Variants in CNTN5 observed in about 807,000 individuals in gnomAD.
CNTN5 encodes contactin-5.
CNTN5 carries 77 observed loss-of-function variants against 129.1 expected under a neutral mutation model. The ratio of observed to expected loss-of-function variants is 0.60; its 90% confidence interval spans 0.50 to 0.72. The LOEUF is 0.72. Among genes scored for constraint, CNTN5 ranks in the 30% least tolerant of loss-of-function variants. The pLI is 0.00. For missense variants in CNTN5, 1,478 were observed against 1,328.8 expected, an observed-to-expected ratio of 1.11 and a Z score of -1.75; for synonymous variants, 509 against 465.6, an observed-to-expected ratio of 1.09 and a Z score of -1.20.
chr11:100,202,908 A>T lies in CNTN5; in HGVS notation c.1884+9245A>T, dbSNP rs563708824. Among the ~76,000 whole-genome samples, 13 of 152,102 alleles carry T rather than the reference A, an allele frequency of 8.5e-5. No homozygotes were observed. The East Asian group carries it at 2.5e-3, about 29-fold the overall frequency. ...TGAACTTAAAACTTCATTGCCATGA[A>T]CGATGTTCCAAATCTGATTTGCTGT... On this transcript the variant is annotated intron_variant, in intron 15 of 24. Transcript: ENST00000524871.
chr11:99,427,916 T>G (rs1033975720), intron 2 of CNTN5, among the ~76,000 whole-genome samples: 7 of 152,036 alleles, frequency 4.6e-5, no homozygotes, highest in African/African-American at 1.7e-4. Flanking sequence ...GAAAGACTAT[T>G]ATTAATAATT....
intron 3 of CNTN5, among the ~76,000 whole-genome samples, chr11:99,739,721 A>ATTACAT (rs1943830029): frequency 6.6e-6 from 1 of 152,170 alleles, no homozygotes; most frequent in South Asian, 2.1e-4. Flanking sequence ...TACCAAGTCA[A>ATTACAT]TTACATGACT....
intron 13 of CNTN5, among the ~76,000 whole-genome samples, chr11:100,112,516 A>G (rs1378298869): frequency 2.0e-5 from 3 of 152,130 alleles, no homozygotes; most frequent in Admixed American, 1.3e-4. Flanking sequence ...GTTCCTTATA[A>G]ATTAGTCTGG....
At chr11:99,269,349 A>T (rs1320965928) in intron 1 of CNTN5, among the ~76,000 whole-genome samples, 1 of 147,802 alleles carries the variant, frequency 6.8e-6, no homozygotes, top group Non-Finnish European at 1.5e-5. Flanking sequence ...TTGTTCCCTG[A>T]TTTTTTTTTT....
At chr11:99,200,195 A>G (rs1373445213) in intron 1 of CNTN5, among the ~76,000 whole-genome samples, 3 of 152,110 alleles carry the variant, frequency 2.0e-5, no homozygotes, top group Non-Finnish European at 4.4e-5. Flanking sequence ...CCATATTACC[A>G]TTAGCTATCT....
intron 1 of CNTN5, among the ~76,000 whole-genome samples, chr11:99,250,281 G>A (rs888827588): frequency 2.6e-5 from 4 of 151,926 alleles, no homozygotes; most frequent in African/African-American, 9.7e-5. Flanking sequence ...GATCACTTTA[G>A]AACAAGGTTC....
intron 3 of CNTN5, among the ~76,000 whole-genome samples, chr11:99,809,500 A>G (rs1040508446): frequency 6.6e-6 from 1 of 152,110 alleles, no homozygotes; most frequent in Non-Finnish European, 1.5e-5. Flanking sequence ...ATTTGTGTCT[A>G]TGTCCAAAAA....
chr11:99,321,849 G>A (rs1865585294), intron 1 of CNTN5, among the ~76,000 whole-genome samples: 1 of 152,032 alleles, frequency 6.6e-6, no homozygotes, highest in South Asian at 2.1e-4. Flanking sequence ...TTCATGTTTT[G>A]GGCACCATGC....
chr11:99,139,321 T>G (rs964779877), intron 1 of CNTN5, among the ~76,000 whole-genome samples: 1 of 152,286 alleles, frequency 6.6e-6, no homozygotes, highest in African/African-American at 2.4e-5. Context: ...AAAGAACAGA[T>G]GTGGCTTTGG....
At chr11:99,313,111 T>G (rs1197641050) in intron 1 of CNTN5, among the ~76,000 whole-genome samples, 2 of 128,896 alleles carry the variant, frequency 1.6e-5, no homozygotes, top group Non-Finnish European at 3.2e-5. Flanking sequence ...AGATTTGAAG[T>G]TTTTTTTTTT....
Position 99,819,527 on chromosome 11 carries a change from T to G in CNTN5, c.56-17T>G. The G allele has an allele frequency of 6.3e-7, 1 of 1,578,638 alleles. No homozygotes were observed. Among genetic ancestry groups the G allele is most frequent in the Non-Finnish European group, 8.7e-7 (1 of 1,153,746 alleles). On this transcript the variant is annotated splice_polypyrimidine_tract_variant and intron_variant, in intron 3 of 24. Coordinates refer to ENST00000524871, the MANE Select transcript of CNTN5 (RefSeq NM_014361.4). ...TTTCCTCAAAATTCAGATTTTATTA[T>G]ATTTTTTCTCTTACAGAGTATTCAA... is the stretch of plus-strand genomic sequence containing the variant.
chr11:99,503,607 C>T (rs897000264), intron 2 of CNTN5, among the ~76,000 whole-genome samples: 1 of 152,064 alleles, frequency 6.6e-6, no homozygotes, highest in African/African-American at 2.4e-5. Context: ...TATCTTTCAC[C>T]TTTGTTGGAC....
At chr11:99,823,696 A>G (rs1946869272) in intron 4 of CNTN5, among the ~76,000 whole-genome samples, 1 of 152,268 alleles carries the variant, frequency 6.6e-6, no homozygotes, top group African/African-American at 2.4e-5. Flanking sequence ...TATTAAGTTT[A>G]TTAAACTTTA....
At chr11:100,078,748 C>T (rs183933748) in intron 13 of CNTN5, among the ~76,000 whole-genome samples, 5 of 152,106 alleles carry the variant, frequency 3.3e-5, no homozygotes, top group African/African-American at 1.2e-4. Flanking sequence ...TGTATGACAT[C>T]TACTCAGTAC....
At chr11:99,873,451 C>T (rs951407564) in intron 6 of CNTN5, among the ~76,000 whole-genome samples, 1 of 151,860 alleles carries the variant, frequency 6.6e-6, no homozygotes, top group African/African-American at 2.4e-5. Context: ...AGCAGCCAAC[C>T]GATAATAAAA....
At chr11:99,614,668 C>CTT (rs1416693594) in intron 3 of CNTN5, among the ~76,000 whole-genome samples, 1 of 152,160 alleles carries the variant, frequency 6.6e-6, no homozygotes, top group Admixed American at 6.5e-5. Context: ...TGTTACAGAT[C>CTT]TTTGCTCCTC....
intron 1 of CNTN5, among the ~76,000 whole-genome samples, chr11:99,039,560 A>G (rs2135130421): frequency 6.6e-6 from 1 of 152,276 alleles, no homozygotes; most frequent in East Asian, 1.9e-4. Context: ...ATGAGAGGAA[A>G]AGAGAGAGTG....
intron 2 of CNTN5, among the ~76,000 whole-genome samples, chr11:99,410,087 A>C (rs530032494): frequency 1.4e-4 from 21 of 152,332 alleles, no homozygotes. Flanking sequence ...CTTAGTTTGC[A>C]AAACATATTT....
At chr11:99,978,914 G>C (rs918914443) in intron 8 of CNTN5, among the ~76,000 whole-genome samples, 2 of 152,112 alleles carry the variant, frequency 1.3e-5, no homozygotes, top group Non-Finnish European at 2.9e-5. Flanking sequence ...AAATCTATTT[G>C]TGTTTTTCTA....
Sources: allele counts gnomAD v4.1 joint callset (sites outside exome capture counted in the v4.1 genomes callset), GRCh38; gene constraint gnomAD v4.1.1; transcripts MANE v1.5; gene names NCBI Gene and HGNC (gene_info 2026-07-23, HGNC 2026-07-21).